The following DYNC1I1 variants were observed in gnomAD, a reference collection of about 807,000 sequenced individuals.
DYNC1I1 encodes the protein cytoplasmic dynein 1 intermediate chain 1.
In DYNC1I1, 43 loss-of-function variants were observed where a neutral mutation model predicts 86.6. The ratio of observed to expected loss-of-function variants is 0.50; its 90% CI spans 0.39 to 0.64. DYNC1I1 has a LOEUF of 0.64. DYNC1I1 is among the 30% of genes least tolerant of loss of function. The pLI is 0.00. For synonymous variants in DYNC1I1, 262 were observed against 283.7 expected (o/e 0.92, Z 0.77); for missense variants, 604 against 788.8 (o/e 0.77, Z 2.81).
At chr7:95,818,669 A>G in intron 4 of DYNC1I1, 1 of 476,864 alleles carries the variant, frequency 2.1e-6, no homozygotes, top group Non-Finnish European at 3.8e-6. Context: ...CTATTATAGA[A>G]ACAACACCTG....
At chr7:96,023,959 G>A (rs538285444) in intron 10 of DYNC1I1, among the ~76,000 whole-genome samples, 1 of 152,160 alleles carries the variant, frequency 6.6e-6, no homozygotes, top group African/African-American at 2.4e-5. Flanking sequence ...TAATCAAAAT[G>A]TGATGCTTGC....
chr7:96,101,427 C>G (rs1458031997), downstream of DYNC1I1, among the ~76,000 whole-genome samples: 1 of 152,040 alleles, frequency 6.6e-6, no homozygotes, highest in Non-Finnish European at 1.5e-5. Context: ...GGGAGGACAC[C>G]AGGAGGGAGG....
At chr7:95,938,415 A>T (rs1371284599) in intron 6 of DYNC1I1, among the ~76,000 whole-genome samples, 1 of 152,204 alleles carries the variant, frequency 6.6e-6, no homozygotes, top group South Asian at 2.1e-4. Flanking sequence ...TGTTGACAGG[A>T]TAAAAATTGG....
At chr7:95,790,661 T>G (rs1382450836) in intron 1 of DYNC1I1, among the ~76,000 whole-genome samples, 1 of 152,178 alleles carries the variant, frequency 6.6e-6, no homozygotes, top group East Asian at 1.9e-4. Context: ...AGTGGGTGAC[T>G]ATGGCGAAGA....
chr7:95,822,599 T>C (rs534902801), intron 4 of DYNC1I1, among the ~76,000 whole-genome samples: 8 of 152,272 alleles, frequency 5.3e-5, no homozygotes, highest in African/African-American at 1.9e-4. Flanking sequence ...TAACAGTGCC[T>C]GTTGGTCCAG....
intron 5 of DYNC1I1, among the ~76,000 whole-genome samples, chr7:95,838,952 A>G (rs1006038419): frequency 6.6e-6 from 1 of 152,216 alleles, no homozygotes; most frequent in Admixed American, 6.5e-5. Flanking sequence ...TTTGGATGAC[A>G]TGTATTTCTT....
intron 5 of DYNC1I1, among the ~76,000 whole-genome samples, chr7:95,861,362 G>T (rs1457045497): frequency 6.6e-6 from 1 of 152,136 alleles, no homozygotes; most frequent in Non-Finnish European, 1.5e-5. Flanking sequence ...ACACGTTCTT[G>T]CATTCTCATA....
chr7:95,858,018 A>G (rs1234078663), intron 5 of DYNC1I1, among the ~76,000 whole-genome samples: 1 of 152,198 alleles, frequency 6.6e-6, no homozygotes, highest in Non-Finnish European at 1.5e-5. Flanking sequence ...CCAGGTCATT[A>G]GAAGATTTTT....
At chr7:95,915,715 A>G (rs1791451527) in intron 6 of DYNC1I1, among the ~76,000 whole-genome samples, 1 of 152,250 alleles carries the variant, frequency 6.6e-6, no homozygotes, top group Non-Finnish European at 1.5e-5. Flanking sequence ...GTTGTCAATG[A>G]AATGAAATGA....
chr7:96,055,211 A>G (rs1308782772), intron 14 of DYNC1I1, among the ~76,000 whole-genome samples: 1 of 151,986 alleles, frequency 6.6e-6, no homozygotes, highest in Non-Finnish European at 1.5e-5. Flanking sequence ...AACTCCATTT[A>G]TTAAATATGG....
At chr7:95,930,972 G>A (rs1791879130) in intron 6 of DYNC1I1, among the ~76,000 whole-genome samples, 1 of 152,070 alleles carries the variant, frequency 6.6e-6, no homozygotes, top group South Asian at 2.1e-4. Context: ...ACAAAGCCCT[G>A]GCATTTTCCT....
rs1353984419 is a variant in DYNC1I1 at position 95,856,135 on chromosome 7, G to A, written c.375-13748G>A. ...TACTGTTTTTTTTAATATTCTGTAAGATTTTTCTATTTAACTTTTTTTTTC... is the reference window on the plus strand; with the variant it reads ...TACTGTTTTTTTTAATATTCTGTAAAATTTTTCTATTTAACTTTTTTTTTC... On this transcript the variant is annotated intron_variant, in intron 5 of 16. Coordinates refer to ENST00000447467, the MANE Select transcript of DYNC1I1 (RefSeq NM_001135556.2). Among the ~76,000 whole-genome samples the A allele has an allele frequency of 2.0e-5, 3 of 152,038 alleles. No individual in the cohort carries two copies. In the East Asian group the frequency reaches 5.8e-4, roughly 29 times the overall value.
At chr7:95,776,497 T>C (rs150256760) in intron 1 of DYNC1I1, among the ~76,000 whole-genome samples, 459 of 152,258 alleles carry the variant, frequency 3.0e-3, no homozygotes, top group African/African-American at 0.011. Flanking sequence ...CATGCATTTG[T>C]GCATAAATGT....
intron 6 of DYNC1I1, among the ~76,000 whole-genome samples, chr7:95,939,510 A>G (rs372365031): frequency 1.3e-5 from 2 of 151,830 alleles, no homozygotes; most frequent in South Asian, 2.1e-4. Context: ...ATTTAGGATA[A>G]TTAGCTCTTC....
At chr7:95,975,740 A>G (rs1413567146) in intron 6 of DYNC1I1, among the ~76,000 whole-genome samples, 1 of 152,176 alleles carries the variant, frequency 6.6e-6, no homozygotes, top group Non-Finnish European at 1.5e-5. Flanking sequence ...GTGGCAGGGC[A>G]TGGCTGCTGA....
At chr7:95,915,991 A>G (rs1416313566) in intron 6 of DYNC1I1, among the ~76,000 whole-genome samples, 1 of 152,216 alleles carries the variant, frequency 6.6e-6, no homozygotes, top group Non-Finnish European at 1.5e-5. Context: ...GCCTTCAAGT[A>G]AATACCTAGT....
rs1480000088 is a variant in DYNC1I1 at position 95,869,944 on chromosome 7, G to T, written c.436G>T (p.Val146Leu). 3 of 1,614,070 alleles carry T rather than the reference G, an allele frequency of 1.9e-6. No individual in the cohort carries two copies. The highest frequency in any genetic ancestry group is 2.2e-5 in the South Asian group (2 of 91,052). Reference sequence around the variant, plus strand: ...CCAAGTGGATTTCCTGCCAAGGGAAGTAGTGTCCTACTCAAAGGAGACCCA... The same window carrying T: ...CCAAGTGGATTTCCTGCCAAGGGAATTAGTGTCCTACTCAAAGGAGACCCA... ...VTQVDFLPRE[V>L]VSYSKETQTP... The change falls in exon 6 of 17, where the codon GTA becomes TTA. Residue 146 changes from valine to leucine, a missense_variant. Coordinates refer to ENST00000447467, the MANE Select transcript of DYNC1I1 (RefSeq NM_001135556.2).
intron 10 of DYNC1I1, among the ~76,000 whole-genome samples, chr7:96,015,397 C>A (rs1032666530): frequency 3.9e-5 from 6 of 152,104 alleles, no homozygotes; most frequent in African/African-American, 9.7e-5. Context: ...TTTTCCTGAA[C>A]TGGAAATTTC....
chr7:95,956,457 A>C (rs566303137), intron 6 of DYNC1I1, among the ~76,000 whole-genome samples: 111 of 150,426 alleles, frequency 7.4e-4, no homozygotes, highest in Non-Finnish European at 6.3e-4. Context: ...ATAGGTATAC[A>C]TGTGCCATGG....
Sources: allele counts gnomAD v4.1 joint callset (sites outside exome capture counted in the v4.1 genomes callset), GRCh38; gene constraint gnomAD v4.1.1; transcripts MANE v1.5; gene names NCBI Gene and HGNC (gene_info 2026-07-23, HGNC 2026-07-21).